EDA: variants seen among roughly 807,000 people sequenced by gnomAD.
EDA encodes the protein ectodysplasin A.
A neutral mutation model predicts 23.6 loss-of-function variants in EDA; 2 were observed. The observed-to-expected ratio is 0.08, with a 90% confidence interval of 0.03 to 0.27. EDA has a LOEUF of 0.27. EDA is among the 10% of genes least tolerant of loss of function. The probability of loss-of-function intolerance (pLI) is 1.00; values close to 1 mark genes in which losing one functional copy is unlikely to be tolerated. For synonymous variants in EDA, 131 were observed against 132.0 expected (o/e 0.99, Z 0.05); for missense variants, 229 against 324.2 (o/e 0.71, Z 2.26).
chrX:69,877,094 G>A (rs2017658240), intron 1 of EDA, among the ~76,000 whole-genome samples: 1 of 112,315 alleles, frequency 8.9e-6, no homozygotes, highest in Non-Finnish European at 1.9e-5. Flanking sequence ...GCCAAGGTGG[G>A]AGGATGGCTT....
chrX:69,677,819 A>G lies in EDA; in HGVS notation c.396+61115A>G, dbSNP rs1468118092. The stretch of plus-strand genomic sequence containing the variant: ...AGTTTCTTTTGCTGTGCAGCTCTTT[A>G]GTTTAATTAGATCCCATTTGTCAAT... On this transcript the variant is annotated intron_variant, in intron 1 of 7. Transcript: ENST00000374552. Among the ~76,000 whole-genome samples, 4 of 111,546 alleles carry G rather than the reference A, an allele frequency of 3.6e-5. No individual in the cohort carries two copies. In the East Asian group the frequency reaches 1.1e-3, roughly 32 times the overall value.
chrX:69,813,762 T>C (rs1030647946), intron 1 of EDA, among the ~76,000 whole-genome samples: 1 of 110,499 alleles, frequency 9.0e-6, no homozygotes, highest in Non-Finnish European at 1.9e-5. Context: ...CAGTTTCCTT[T>C]TTCTCTCAAC....
At chrX:69,819,306 C>T (rs1249427136) in intron 1 of EDA, among the ~76,000 whole-genome samples, 1 of 112,021 alleles carries the variant, frequency 8.9e-6, no homozygotes, top group Non-Finnish European at 1.9e-5. Flanking sequence ...TGAAAACCAG[C>T]ACAAGACAAG....
chrX:69,778,124 C>T (rs2014838955), intron 1 of EDA, among the ~76,000 whole-genome samples: 1 of 111,465 alleles, frequency 9.0e-6, no homozygotes, highest in Admixed American at 9.6e-5. Flanking sequence ...TCTGTATAAT[C>T]TTTAATGTGC....
At chrX:69,739,808 C>T (rs1214148538) in intron 1 of EDA, among the ~76,000 whole-genome samples, 7 of 110,796 alleles carry the variant, frequency 6.3e-5, no homozygotes, top group Non-Finnish European at 1.1e-4. Flanking sequence ...TTGTTATACA[C>T]ATTACACACA....
intron 1 of EDA, among the ~76,000 whole-genome samples, chrX:69,787,552 G>A (rs2015236494): frequency 9.7e-6 from 1 of 103,609 alleles, no homozygotes; most frequent in Admixed American, 1.0e-4. Flanking sequence ...CACTTATGAA[G>A]CTTAGTTTGG....
At chrX:69,730,939 T>C (rs1029272766) in intron 1 of EDA, among the ~76,000 whole-genome samples, 2 of 112,650 alleles carry the variant, frequency 1.8e-5, no homozygotes, top group Non-Finnish European at 3.7e-5. Context: ...AATTTTATTA[T>C]TCATTAATTC....
At chrX:69,794,793 G>T (rs747338213) in intron 1 of EDA, among the ~76,000 whole-genome samples, 1 of 111,498 alleles carries the variant, frequency 9.0e-6, no homozygotes, top group East Asian at 2.8e-4. Flanking sequence ...TTGAAAGAGA[G>T]AAAGTCATTA....
At chrX:69,947,250 A>G (rs2018846224) in intron 1 of EDA, among the ~76,000 whole-genome samples, 1 of 112,300 alleles carries the variant, frequency 8.9e-6, no homozygotes, top group African/African-American at 3.2e-5. Context: ...ATCCACTCTC[A>G]TGGGGAGCAA....
At chrX:70,003,984 T>G (rs1317889572) in intron 2 of EDA, among the ~76,000 whole-genome samples, 1 of 111,913 alleles carries the variant, frequency 8.9e-6, no homozygotes, top group African/African-American at 3.3e-5. Flanking sequence ...CCCTTAGGCC[T>G]GGCTTTCTCC....
intron 1 of EDA, among the ~76,000 whole-genome samples, chrX:69,700,146 T>C (rs1174759056): frequency 9.0e-6 from 1 of 110,763 alleles, no homozygotes; most frequent in Non-Finnish European, 1.9e-5. Flanking sequence ...AGTATGGGTG[T>C]TGCAGTCTCT....
chrX:69,698,470 A>G, intron 1 of EDA, among the ~76,000 whole-genome samples: 1 of 111,782 alleles, frequency 8.9e-6, no homozygotes, highest in Non-Finnish European at 1.9e-5. Context: ...AGGCAGAGGC[A>G]TGGCCTCATT....
intron 1 of EDA, among the ~76,000 whole-genome samples, chrX:69,918,040 A>G (rs886481924): frequency 9.0e-6 from 1 of 110,852 alleles, no homozygotes; most frequent in African/African-American, 3.3e-5. Context: ...GGAATTCATG[A>G]TGGCAAGTAC....
chrX:69,835,519 G>A (rs901281668), intron 1 of EDA, among the ~76,000 whole-genome samples: 6 of 111,811 alleles, frequency 5.4e-5, no homozygotes, highest in Admixed American at 4.8e-4. Context: ...ATTGAAGCTT[G>A]TGCATGTGTC....
intron 1 of EDA, among the ~76,000 whole-genome samples, chrX:69,821,462 G>T (rs2147517563): frequency 8.9e-6 from 1 of 111,938 alleles, no homozygotes; most frequent in African/African-American, 3.2e-5. Flanking sequence ...AATAGTATTT[G>T]AATTTCCAAA....
chrX:69,710,314 C>T lies in EDA; in HGVS notation c.396+93610C>T, dbSNP rs759562331. Among the ~76,000 whole-genome samples the T allele has an allele frequency of 7.3e-5, 8 of 110,186 alleles. No homozygotes were observed. The East Asian group carries it at 8.6e-4, about 12-fold the overall frequency. On this transcript the variant is annotated intron_variant, in intron 1 of 7. Transcript: ENST00000374552. ...CAAAGATCAGATAGTTGTAGATATG[C>T]GGCATTATTTCTGAGGGCTCTGTTC...
At chrX:69,888,719 G>GA (rs1225626535) in intron 1 of EDA, among the ~76,000 whole-genome samples, 1 of 106,314 alleles carries the variant, frequency 9.4e-6, no homozygotes, top group African/African-American at 3.4e-5. Context: ...ATTATATAAT[G>GA]AAAAAAGGGG....
At chrX:69,764,234 CTTTTTTTTTTTT>C (rs1189179243) in intron 1 of EDA, among the ~76,000 whole-genome samples, 5 of 44,570 alleles carry the variant, frequency 1.1e-4, no homozygotes, top group Non-Finnish European at 1.8e-4. Flanking sequence ...ATTTTTTATT[CTTTTTTTTTTTT>C]TTTTTTTTTT....
At chrX:69,622,933 C>G (rs140326697) in intron 1 of EDA, among the ~76,000 whole-genome samples, 7 of 111,697 alleles carry the variant, frequency 6.3e-5, no homozygotes, top group Non-Finnish European at 1.3e-4. Flanking sequence ...TGATCCAGTA[C>G]CATTAATTAT....
Sources: allele counts gnomAD v4.1 joint callset (sites outside exome capture counted in the v4.1 genomes callset), GRCh38; gene constraint gnomAD v4.1.1; transcripts MANE v1.5; gene names NCBI Gene and HGNC (gene_info 2026-07-23, HGNC 2026-07-21).